CSE1L: variants seen among roughly 807,000 people sequenced by gnomAD.
CSE1L encodes the protein chromosome segregation 1 like, also known as exportin-2.
CSE1L carries 24 observed loss-of-function variants against 120.4 expected under a neutral mutation model. The ratio of observed to expected loss-of-function variants is 0.20; its 90% CI spans 0.14 to 0.28. The LOEUF is 0.28. CSE1L is among the 10% of genes least tolerant of loss of function. The probability of loss-of-function intolerance (pLI) is 1.00; values close to 1 mark genes in which losing one functional copy is unlikely to be tolerated. For missense variants in CSE1L, 830 were observed against 1,145.2 expected, an observed-to-expected ratio of 0.72 and a Z score of 3.97; for synonymous variants, 402 against 398.3, an observed-to-expected ratio of 1.01 and a Z score of -0.11.
At chr20:49,074,176 A>AGTGTGTAT (rs2091952673) in intron 10 of CSE1L, among the ~76,000 whole-genome samples, 1 of 115,424 alleles carries the variant, frequency 8.7e-6, no homozygotes, top group East Asian at 2.7e-4. Context: ...ATACAACTGC[A>AGTGTGTAT]GTGTGTGTGT....
At chr20:49,081,590 G>A (rs760878133) in intron 14 of CSE1L, among the ~76,000 whole-genome samples, 1 of 152,176 alleles carries the variant, frequency 6.6e-6, no homozygotes, top group Non-Finnish European at 1.5e-5. Flanking sequence ...TTTGAGTTCA[G>A]TTAAGCATCT....
intron 8 of CSE1L, 111 bp downstream of exon 8, chr20:49,070,408 C>G: frequency 1.7e-6 from 1 of 594,440 alleles, no homozygotes; most frequent in Non-Finnish European, 3.0e-6. Context: ...AATTTCAATA[C>G]TGTAATAATA....
chr20:49,054,597 G>A (rs997171776), intron 1 of CSE1L, among the ~76,000 whole-genome samples: 2 of 152,068 alleles, frequency 1.3e-5, no homozygotes, highest in Admixed American at 6.6e-5. Flanking sequence ...TAAAATCATT[G>A]TGTGGAATAA....
intron 2 of CSE1L, among the ~76,000 whole-genome samples, 185 bp from the exon 3 acceptor site, chr20:49,063,017 A>G (rs1468065034): frequency 6.6e-6 from 1 of 151,906 alleles, no homozygotes; most frequent in East Asian, 1.9e-4. Context: ...TGAAAACTGA[A>G]GCATTATATA....
Position 49,072,381 on chromosome 20 carries a change from A to T in CSE1L, c.864A>T (p.Arg288=), listed in dbSNP as rs1475493645. ...AAAAGTACGATGAAGAATTCCAGCG[A>T]TACCTGCCTCGTTTTGTTACAGCCA... ...YAQKYDEEFQ[R]YLPRFVTAIW... Residue 288 remains arginine, a synonymous_variant, in exon 9 of 25, where the codon CGA becomes CGT. Transcript: ENST00000262982. 1 of 1,614,216 alleles carries T rather than the reference A, an allele frequency of 6.2e-7. No homozygotes were observed. Among genetic ancestry groups the T allele is most frequent in the Non-Finnish European group, 8.5e-7 (1 of 1,180,028 alleles).
At chr20:49,055,362 G>C (rs772803857) in intron 1 of CSE1L, among the ~76,000 whole-genome samples, 4 of 152,082 alleles carry the variant, frequency 2.6e-5, no homozygotes, top group Non-Finnish European at 4.4e-5. Context: ...CTTGTCTTCT[G>C]AACTATTACA....
chr20:49,078,693 C>A, intron 14 of CSE1L, 71 bp downstream of exon 14: 1 of 976,992 alleles, frequency 1.0e-6, no homozygotes, highest in Non-Finnish European at 1.5e-6. Flanking sequence ...ACCTTCTCAT[C>A]TACTGTGCAG....
chr20:49,077,164 T>C (rs1423199629), intron 13 of CSE1L, 100 bp downstream of exon 13: 1 of 721,144 alleles, frequency 1.4e-6, no homozygotes. Flanking sequence ...TTTTTTTTTT[T>C]TTTTTTTTCT....
At chr20:49,059,305 T>C (rs1310304376) in intron 2 of CSE1L, among the ~76,000 whole-genome samples, 1 of 152,166 alleles carries the variant, frequency 6.6e-6, no homozygotes, top group Non-Finnish European at 1.5e-5. Flanking sequence ...GCTTTTTTTT[T>C]CCTTCCTGAA....
chr20:49,058,645 A>C, intron 2 of CSE1L, 97 bp downstream of exon 2: 1 of 888,032 alleles, frequency 1.1e-6, no homozygotes, highest in South Asian at 1.8e-5. Flanking sequence ...ATTTTAAAAA[A>C]TTCATACTTG....
At position 49,065,379 on chromosome 20, in the gene CSE1L, A is replaced by G. The variant is rs568640993; in HGVS notation, c.229-813A>G. Among the ~76,000 whole-genome samples, 3 of 116,886 alleles carry G rather than the reference A, an allele frequency of 2.6e-5. No individual in the cohort carries two copies. The South Asian group carries it at 8.7e-4, about 34-fold the overall frequency. 76.7% of individuals were successfully genotyped at this position (116,886 alleles called of 152,430 possible). On this transcript the variant is annotated intron_variant, in intron 3 of 24. Transcript: ENST00000262982. ...GCTCTGTTGCCCAGGCTGGAATGCAATGGTGCGATCTTGGCTCATTGCAGC... is the reference window on the plus strand; with the variant it reads ...GCTCTGTTGCCCAGGCTGGAATGCAGTGGTGCGATCTTGGCTCATTGCAGC...
chr20:49,056,083 C>A (rs984953309), intron 1 of CSE1L, among the ~76,000 whole-genome samples: 1 of 150,870 alleles, frequency 6.6e-6, no homozygotes, highest in Non-Finnish European at 1.5e-5. Flanking sequence ...CTAATGGAAT[C>A]TAAGCATAAG....
At chr20:49,051,403 C>A (rs1283722200) in intron 1 of CSE1L, among the ~76,000 whole-genome samples, 2 of 152,116 alleles carry the variant, frequency 1.3e-5, no homozygotes, top group African/African-American at 2.4e-5. Context: ...CTCAGCCGGG[C>A]GTGGTGGCAC....
intron 22 of CSE1L, 84 bp from the exon 23 acceptor site, chr20:49,094,056 A>T: frequency 2.4e-6 from 2 of 833,960 alleles, no homozygotes; most frequent in Non-Finnish European, 3.7e-6. Flanking sequence ...TATCATATTC[A>T]TAAGAAGTAA....
In CSE1L at chr20:49,077,044, C is replaced by T. The variant is rs1351778533; in HGVS notation, c.1400C>T (p.Pro467Leu). The stretch of plus-strand genomic sequence containing the variant: ...GAGTTCTTTGTGAATCACATCCTCC[C>T]TGATTTAAAATCAGCTAATGGTGAG... ...LTEFFVNHILPDLKSANVNEF... is the reference protein window; with the variant it reads ...LTEFFVNHILLDLKSANVNEF... The change falls in exon 13 of 25, where the codon CCT becomes CTT. Residue 467 changes from proline to leucine, a missense_variant. Around this residue, in one of 4 missense-constraint regions of CSE1L, gnomAD observed 543 missense variants for 640.2 expected, o/e 0.85. Transcript: ENST00000262982. 1 of 1,607,942 alleles carries T rather than the reference C, an allele frequency of 6.2e-7. No homozygotes were observed. Among genetic ancestry groups the T allele is most frequent in the African/African-American group, 1.3e-5 (1 of 74,546 alleles).
At chr20:49,085,458 T>C in intron 16 of CSE1L, 72 bp downstream of exon 16, 1 of 1,017,162 alleles carries the variant, frequency 9.8e-7, no homozygotes, top group Non-Finnish European at 1.5e-6. Context: ...CTCTGAGTTA[T>C]ACTTCAGGTT....
chr20:49,058,582 T>C (rs763201685), intron 2 of CSE1L, 34 bp downstream of exon 2: 7 of 1,545,150 alleles, frequency 4.5e-6, no homozygotes, highest in Non-Finnish European at 6.3e-6. Flanking sequence ...GTTGATTAAT[T>C]CCTTCAGGAC....
intron 2 of CSE1L, among the ~76,000 whole-genome samples, chr20:49,059,320 A>G (rs936619682): frequency 2.6e-5 from 4 of 151,858 alleles, no homozygotes; most frequent in African/African-American, 9.7e-5. Context: ...CCTGAATCTG[A>G]CCAGATTCCA....
At chr20:49,078,748 T>A in intron 14 of CSE1L, 126 bp downstream of exon 14, 1 of 596,620 alleles carries the variant, frequency 1.7e-6, no homozygotes, top group Non-Finnish European at 2.7e-6. Context: ...GATTTCTTTA[T>A]AACTTAGAAT....
Sources: allele counts gnomAD v4.1 joint callset (sites outside exome capture counted in the v4.1 genomes callset), GRCh38; gene constraint gnomAD v4.1.1; regional missense constraint gnomAD v4.1.1; transcripts MANE v1.5; gene names NCBI Gene and HGNC (gene_info 2026-07-23, HGNC 2026-07-21).